The following ABCC8 variants were observed in gnomAD, a reference collection of about 807,000 sequenced individuals.
ABCC8 encodes ATP binding cassette subfamily C member 8.
A neutral mutation model predicts 188.0 loss-of-function variants in ABCC8; 137 were observed. The ratio of observed to expected loss-of-function variants is 0.73; its 90% CI spans 0.63 to 0.84. The LOEUF (loss-of-function observed/expected upper bound fraction) is 0.84, where lower values mean the gene tolerates loss of function less well. ABCC8 is among the 40% of genes least tolerant of loss of function. ABCC8 has a pLI of 0.00. For synonymous variants in ABCC8, 797 were observed against 846.5 expected, an observed-to-expected ratio of 0.94 and a Z score of 1.01; for missense variants, 1,750 against 2,072.7, an observed-to-expected ratio of 0.84 and a Z score of 3.02.
Position 17,393,090 on chromosome 11 carries a change from G to A in ABCC8, c.4647C>T (p.Ile1549=), listed in dbSNP as rs367862706. 49 of 1,612,802 alleles carry A rather than the reference G, an allele frequency of 3.0e-5. 1 individual carries two copies. In the East Asian group the frequency reaches 5.4e-4, roughly 18 times the overall value. The change falls in exon 39 of 39, where the codon ATC becomes ATT. Residue 1549 remains isoleucine (I), a synonymous_variant. Transcript: ENST00000389817. ...CAAGGATGGCACCCCGCTTCAGGAC[G>A]ATCACCAGGTCTGCACTCAGGATGG... ...VHTILSADLV[I]VLKRGAILEF...
At chr11:17,430,542 C>T (rs995690682) in intron 12 of ABCC8, 8 of 497,464 alleles carry the variant, frequency 1.6e-5, no homozygotes, top group Non-Finnish European at 2.6e-5. Flanking sequence ...TTTGGCTCAA[C>T]ACTGGTTTTT....
At position 17,453,152 on chromosome 11, in the gene ABCC8, A is replaced by G. The variant is rs752694285; in HGVS notation, c.1143T>C (p.Ile381=). The G allele has an allele frequency of 2.3e-5, 37 of 1,614,204 alleles. No individual in the cohort carries two copies. The highest frequency in any genetic ancestry group is 3.1e-5 in the Non-Finnish European group (37 of 1,180,026). Residue 381 remains isoleucine (I), a synonymous_variant, in exon 7 of 39, where the codon ATT becomes ATC. Transcript: ENST00000389817. The part of the protein sequence containing the change: ...TFLQASYYVA[I]ETGINLRGAI... Reference sequence around the variant, plus strand: ...CTCCTCTCAAGTTAATTCCAGTTTCAATGGCCACATAGTAGGATGCTTGCA... The same window carrying G: ...CTCCTCTCAAGTTAATTCCAGTTTCGATGGCCACATAGTAGGATGCTTGCA...
intron 6 of ABCC8, among the ~76,000 whole-genome samples, chr11:17,455,895 C>T (rs1439907830): frequency 1.4e-5 from 2 of 147,218 alleles, no homozygotes; most frequent in Admixed American, 6.9e-5. Context: ...GCTAAGATTG[C>T]GCCAGTGCAC....
Position 17,392,964 on chromosome 11 carries a change from G to C in ABCC8, c.*27C>G. 6.2e-7 allele frequency: 1 copy of C among 1,612,620 alleles called. No homozygotes were observed. The highest frequency in any genetic ancestry group is 8.5e-7 in the Non-Finnish European group (1 of 1,178,906). On this transcript the variant is annotated 3_prime_UTR_variant, in exon 39 of 39. Coordinates refer to ENST00000389817, the MANE Select transcript of ABCC8 (RefSeq NM_000352.6). ...GCAGGGGTATGGGCAGGGTCCGAAT[G>C]TGGGATGGCACTTGGGCTCTGGCAG...
intron 12 of ABCC8, chr11:17,429,691 TG>T (rs1279367594): frequency 6.6e-6 from 1 of 152,208 alleles, no homozygotes; most frequent in Non-Finnish European, 1.5e-5. Context: ...TTCTTAAATC[TG>T]TGGTTTCTAC....
At chr11:17,408,817 G>A (rs1481148929) in intron 22 of ABCC8, among the ~76,000 whole-genome samples, 2 of 152,314 alleles carry the variant, frequency 1.3e-5, no homozygotes, top group East Asian at 1.9e-4. Flanking sequence ...GGCAGCGGCC[G>A]TCATACACTA....
rs192803570 is a variant in ABCC8 at position 17,456,051 on chromosome 11, C to T, written c.1012-2768G>A. On this transcript the variant is annotated intron_variant, in intron 6 of 38. Coordinates refer to ENST00000389817, the MANE Select transcript of ABCC8 (RefSeq NM_000352.6). ...CTACCGAGAAGAGGGTCCTAGGAAA[C>T]GGGGAGGGGATATGATAGCACTGGT... Among the ~76,000 whole-genome samples the T allele has an allele frequency of 2.7e-5, 4 of 150,362 alleles. 1 individual carries two copies. In the East Asian group the frequency reaches 5.9e-4, roughly 22 times the overall value.
At chr11:17,467,113 C>A (rs1848210339) in intron 3 of ABCC8, among the ~76,000 whole-genome samples, 1 of 145,726 alleles carries the variant, frequency 6.9e-6, no homozygotes, top group Non-Finnish European at 1.5e-5. Context: ...GGGATAAAGG[C>A]AAACATCTGT....
At chr11:17,405,439 C>T in intron 27 of ABCC8, 55 bp downstream of exon 27, 1 of 1,613,012 alleles carries the variant, frequency 6.2e-7, no homozygotes, top group Middle Eastern at 1.8e-4. Flanking sequence ...GGAGAAGCCC[C>T]CAGGGGTCCG....
At chr11:17,425,104 C>T (rs1003442562) in intron 16 of ABCC8, among the ~76,000 whole-genome samples, 2 of 152,206 alleles carry the variant, frequency 1.3e-5, no homozygotes, top group African/African-American at 2.4e-5. Context: ...GAGAGGCAGT[C>T]GGAATAAGGC....
chr11:17,394,292 C>A lies in ABCC8; in HGVS notation c.4519G>T (p.Ala1507Ser). ...GTGGCCATGTCAATGGAAGCCGTGG[C>A]CTCGTCCATGATGAAGATGCTGGTC... is the stretch of plus-strand genomic sequence containing the variant. Reference protein sequence around the residue: ...RKTSIFIMDEATASIDMATEN... With the variant: ...RKTSIFIMDESTASIDMATEN... Residue 1507 changes from alanine (A) to serine (S), a missense_variant, in exon 37 of 39, where the codon GCC becomes TCC. Physicochemically the swap from Ala to Ser is moderately conservative, Grantham distance 99. Coordinates refer to ENST00000389817, the MANE Select transcript of ABCC8 (RefSeq NM_000352.6). The A allele has an allele frequency of 6.2e-7, 1 of 1,613,966 alleles. No individual in the cohort carries two copies. Among genetic ancestry groups the A allele is most frequent in the Non-Finnish European group, 8.5e-7 (1 of 1,180,024 alleles).
intron 37 of ABCC8, 124 bp from the exon 38 acceptor site, chr11:17,393,883 C>A: frequency 6.3e-7 from 1 of 1,591,318 alleles, no homozygotes; most frequent in Non-Finnish European, 8.6e-7. Context: ...TAGTCCCACC[C>A]CCACCCCACA....
At chr11:17,443,423 C>T (rs1956403621) in intron 8 of ABCC8, 111 bp from the exon 9 acceptor site, 1 of 1,575,398 alleles carries the variant, frequency 6.3e-7, no homozygotes, top group African/African-American at 1.3e-5. Context: ...AGCCTTGGTG[C>T]CCAGGTTTCC....
chr11:17,443,177 C>G lies in ABCC8; in HGVS notation c.1467+1G>C. ...AAACACACACACCTTTGGGCACTCACCAGTGTGCTCCGCTGGGCCTGAGAC... is the reference window on the plus strand; with the variant it reads ...AAACACACACACCTTTGGGCACTCAGCAGTGTGCTCCGCTGGGCCTGAGAC... On this transcript the variant is annotated splice_donor_variant, in intron 9 of 38. Transcript: ENST00000389817. LOFTEE classifies it high-confidence loss of function. 1.2e-6 allele frequency: 2 copies of G among 1,614,108 alleles called. No homozygotes were observed. Among genetic ancestry groups the G allele is most frequent in the South Asian group, 1.1e-5 (1 of 91,064 alleles).
chr11:17,442,760 C>A lies in ABCC8; in HGVS notation c.1590G>T (p.Met530Ile). Residue 530 changes from methionine (M) to isoleucine (I), a missense_variant, in exon 10 of 39, where the codon ATG becomes ATT. Met to Ile is a conservative substitution (Grantham distance 10). Coordinates refer to ENST00000389817, the MANE Select transcript of ABCC8 (RefSeq NM_000352.6). ...TRVETTRRKEMTSLRAFAIYT... is the reference protein window; with the variant it reads ...TRVETTRRKEITSLRAFAIYT... ...AGATGGCAAAGGCCCTGAGGCTGGT[C>A]ATCTCCTTCCTGCGGGTCGTCTCCA... The A allele has an allele frequency of 6.2e-7, 1 of 1,613,968 alleles. No homozygotes were observed. Among genetic ancestry groups the A allele is most frequent in the Non-Finnish European group, 8.5e-7 (1 of 1,180,038 alleles).
intron 5 of ABCC8, 143 bp from the exon 6 acceptor site, chr11:17,460,819 G>T: frequency 6.7e-7 from 1 of 1,495,198 alleles, no homozygotes; most frequent in Non-Finnish European, 8.9e-7. Flanking sequence ...TCCAGGAAGA[G>T]ATCATGGAAT....
intron 19 of ABCC8, 97 bp from the exon 20 acceptor site, chr11:17,413,575 A>G (rs1472440054): frequency 4.3e-6 from 7 of 1,610,386 alleles, no homozygotes; most frequent in Non-Finnish European, 5.9e-6. Context: ...AGCTATGCCC[A>G]GGGTGAGCAA....
Position 17,397,245 on chromosome 11 carries a change from C to T in ABCC8, c.3936G>A (p.Lys1312=), listed in dbSNP as rs1237687512. The change falls in exon 32 of 39, where the codon AAG becomes AAA. Residue 1312 remains lysine, a synonymous_variant. Coordinates refer to ENST00000389817, the MANE Select transcript of ABCC8 (RefSeq NM_000352.6). The part of the protein sequence containing the change: ...ADMELQLGAV[K]RIHGLLKTEA... ...CGGTTTTCAGGAGCCCATGGATGCG[C>T]TTCACAGCCCCCAGCTGGAGCTCCA... 6 of 1,613,764 alleles carry T rather than the reference C, an allele frequency of 3.7e-6. No individual in the cohort carries two copies. The highest frequency in any genetic ancestry group is 5.1e-6 in the Non-Finnish European group (6 of 1,180,026).
chr11:17,461,655 G>T lies in ABCC8; in HGVS notation c.750C>A (p.Ile250=), dbSNP rs566527939. 17 of 1,614,232 alleles carry T rather than the reference G, an allele frequency of 1.1e-5. No individual in the cohort carries two copies. In the South Asian group the frequency reaches 1.9e-4, roughly 18 times the overall value. Residue 250 remains isoleucine (I), a synonymous_variant, in exon 5 of 39, where the codon ATC becomes ATA. Coordinates refer to ENST00000389817, the MANE Select transcript of ABCC8 (RefSeq NM_000352.6). ...AHKKPIDLRA[I]GKLPIAMRAL... ...CCCTCATGGCGATGGGCAGCTTCCC[G>T]ATGGCTCGCAAGTCGATGGGCTTCT...
Sources: gnomAD v4.1 joint callset for allele counts (sites outside exome capture counted in the v4.1 genomes callset) on GRCh38, gnomAD v4.1.1 for gene constraint, MANE v1.5 for transcripts, NCBI Gene and HGNC (gene_info 2026-07-23, HGNC 2026-07-21) for gene names.